RPGR: variants seen among roughly 807,000 people sequenced by gnomAD.
RPGR encodes the protein retinitis pigmentosa GTPase regulator.
RPGR carries 10 observed loss-of-function variants against 56.3 expected under a neutral mutation model. The observed-to-expected ratio is 0.18, with a 90% CI of 0.11 to 0.30. The LOEUF (loss-of-function observed/expected upper bound fraction) is 0.30, where lower values mean the gene tolerates loss of function less well. Ranked by LOEUF, RPGR falls within the 10% of genes least tolerant of loss-of-function variation. The pLI is 1.00. For missense variants in RPGR, 538 were observed against 590.9 expected, an observed-to-expected ratio of 0.91 and a Z score of 0.93; for synonymous variants, 197 against 212.9, an observed-to-expected ratio of 0.93 and a Z score of 0.65.
At chrX:38,303,041 A>G (rs2067532934) in intron 8 of RPGR, among the ~76,000 whole-genome samples, 1 of 111,097 alleles carries the variant, frequency 9.0e-6, no homozygotes, top group Non-Finnish European at 1.9e-5. Flanking sequence ...TACAATTCTT[A>G]CTATTAAGTA....
chrX:38,294,133 A>T (rs1328940376), intron 11 of RPGR, among the ~76,000 whole-genome samples: 1 of 111,527 alleles, frequency 9.0e-6, no homozygotes, highest in East Asian at 2.8e-4. Flanking sequence ...ACTCCATTAT[A>T]CCAAATCCAT....
At chrX:38,297,862 T>C (rs1023279107) in intron 10 of RPGR, among the ~76,000 whole-genome samples, 17 of 112,392 alleles carry the variant, frequency 1.5e-4, no homozygotes, top group African/African-American at 5.5e-4. Context: ...TGCTGGCTAT[T>C]ACAAATAAAA....
Position 38,273,434 on chromosome X carries a change from T to A in RPGR, c.2193A>T (p.Leu731=). The A allele has an allele frequency of 8.3e-7, 1 of 1,207,404 alleles. No individual in the cohort carries two copies. The highest frequency in any genetic ancestry group is 1.1e-6 in the Non-Finnish European group (1 of 892,521). Residue 731 remains leucine, a synonymous_variant, in exon 18 of 19, where the codon CTA becomes CTT. Transcript: ENST00000642395. ...TGCTTGGTGTTGTTTCACTGTTTTC[T>A]AGGATTTCTAATGAACTGCTATCTG...
chrX:38,273,430 TTTC>T lies in RPGR; in HGVS notation c.2194_2196del (p.Glu732del). The stretch of plus-strand genomic sequence containing the variant: ...TCTTTGCTTGGTGTTGTTTCACTGT[TTTC>T]TAGGATTTCTAATGAACTGCTATCT... On this transcript the variant is annotated inframe_deletion, in exon 18 of 19. Coordinates refer to ENST00000642395, the MANE Select transcript of RPGR (RefSeq NM_000328.3). 1 of 1,206,467 alleles carries T rather than the reference TTTC, an allele frequency of 8.3e-7. No individual in the cohort carries two copies. The highest frequency in any genetic ancestry group is 1.1e-6 in the Non-Finnish European group (1 of 892,051).
intron 9 of RPGR, among the ~76,000 whole-genome samples, chrX:38,299,944 ATTTCTTTTT>A (rs2067471943): frequency 1.8e-5 from 2 of 110,896 alleles, no homozygotes; most frequent in Non-Finnish European, 3.8e-5. Flanking sequence ...AATACTTTGT[ATTTCTTTTT>A]TTTCTTTTTT....
At position 38,304,819 on chromosome X, in the gene RPGR, A is replaced by C. The variant is rs377308078; in HGVS notation, c.779-29T>G. 29 of 1,182,541 alleles carry C rather than the reference A, an allele frequency of 2.5e-5. No individual in the cohort carries two copies. In the African/African-American group the frequency reaches 4.8e-4, roughly 20 times the overall value. On this transcript the variant is annotated intron_variant, in intron 7 of 18. Coordinates refer to ENST00000642395, the MANE Select transcript of RPGR (RefSeq NM_000328.3). Reference sequence around the variant, plus strand: ...AAAGGAAAGGGGCAAATACAAGACAAGGATTATGGAAGCAGACACTGTTAC... The same window carrying C: ...AAAGGAAAGGGGCAAATACAAGACACGGATTATGGAAGCAGACACTGTTAC...
chrX:38,327,498 G>C lies in RPGR; in HGVS notation c.-131C>G, dbSNP rs918012075. The C allele has an allele frequency of 4.9e-6, 3 of 616,824 alleles. No individual in the cohort carries two copies. The highest frequency in any genetic ancestry group is 4.7e-5 in the African/African-American group (2 of 42,829). 50.8% of individuals were successfully genotyped at this position (616,824 alleles called of 1,213,427 possible). On this transcript the variant is annotated 5_prime_UTR_variant, in exon 1 of 19. Coordinates refer to ENST00000642395, the MANE Select transcript of RPGR (RefSeq NM_000328.3). Reference sequence around the variant, plus strand: ...CCAAGTTCCGCATGGCGAAACTCCGGAGATCAACTACAACCGCGCTCCCGG... The same window carrying C: ...CCAAGTTCCGCATGGCGAAACTCCGCAGATCAACTACAACCGCGCTCCCGG...
intron 11 of RPGR, among the ~76,000 whole-genome samples, chrX:38,295,547 C>A (rs1253620074): frequency 4.5e-5 from 5 of 112,266 alleles, no homozygotes; most frequent in Non-Finnish European, 9.4e-5. Flanking sequence ...CTTGTACACA[C>A]TACATACTGC....
chrX:38,297,480 A>G, intron 10 of RPGR, 28 bp from the exon 11 acceptor site: 1 of 1,141,109 alleles, frequency 8.8e-7, no homozygotes, highest in South Asian at 1.8e-5. Context: ...TAAACAAACT[A>G]TTTCATGATG....
chrX:38,271,800 A>T (rs1424918057), intron 18 of RPGR, among the ~76,000 whole-genome samples: 1 of 112,434 alleles, frequency 8.9e-6, no homozygotes, highest in Non-Finnish European at 1.9e-5. Flanking sequence ...ACTAATCACC[A>T]TTAGCAAGTC....
In RPGR at chrX:38,273,516, T is replaced by C. The variant is rs980960093; in HGVS notation, c.2150-39A>G. ...ATTCAGAAATACTAGTTTTAACTAA[T>C]AGGAAAAAGACAAGACCTGATGCTC... On this transcript the variant is annotated intron_variant, in intron 17 of 18. Transcript: ENST00000642395. 1.3e-5 allele frequency: 14 copies of C among 1,050,429 alleles called. No homozygotes were observed. In the East Asian group the frequency reaches 2.7e-4, roughly 21 times the overall value. 86.6% of individuals were successfully genotyped at this position (1,050,429 alleles called of 1,213,427 possible).
In RPGR at chrX:38,269,580, T is replaced by C. The variant is rs752453443; in HGVS notation, c.*46A>G. 3.2e-6 allele frequency: 3 copies of C among 947,704 alleles called. No individual in the cohort carries two copies. Among genetic ancestry groups the C allele is most frequent in the Non-Finnish European group, 4.5e-6 (3 of 662,410 alleles). 78.1% of individuals were successfully genotyped at this position (947,704 alleles called of 1,213,427 possible). Reference sequence around the variant, plus strand: ...TTCATAAGTTATAACATTTTTCAAGTATACATTACAATACACTTGGTGACT... The same window carrying C: ...TTCATAAGTTATAACATTTTTCAAGCATACATTACAATACACTTGGTGACT... On this transcript the variant is annotated 3_prime_UTR_variant, in exon 19 of 19. Coordinates refer to ENST00000642395, the MANE Select transcript of RPGR (RefSeq NM_000328.3).
chrX:38,326,210 T>A (rs2068043987), intron 1 of RPGR, among the ~76,000 whole-genome samples: 1 of 112,088 alleles, frequency 8.9e-6, no homozygotes, highest in South Asian at 3.7e-4. Context: ...TCTGGCCCTG[T>A]AATATCTACT....
At chrX:38,310,102 C>T in intron 7 of RPGR, among the ~76,000 whole-genome samples, 1 of 110,637 alleles carries the variant, frequency 9.0e-6, no homozygotes, top group Middle Eastern at 4.6e-3. Flanking sequence ...ACCTCAGCCT[C>T]CTGAATACCT....
intron 3 of RPGR, 91 bp from the exon 4 acceptor site, chrX:38,321,180 T>A: frequency 1.5e-6 from 1 of 670,414 alleles, no homozygotes; most frequent in South Asian, 2.3e-5. Flanking sequence ...AGAACCGAGA[T>A]TTAATAGCGG....
At position 38,287,126 on chromosome X, in the gene RPGR, T is replaced by C; in HGVS notation, c.1873A>G (p.Ile625Val). 1.7e-6 allele frequency: 2 copies of C among 1,210,611 alleles called. No individual in the cohort carries two copies. Among genetic ancestry groups the C allele is most frequent in the Admixed American group, 2.2e-5 (1 of 45,864 alleles). The change falls in exon 15 of 19, where the codon ATC becomes GTC. Residue 625 changes from isoleucine (I) to valine (V), a missense_variant. By Grantham distance (29) the Ile-to-Val change is conservative (BLOSUM62 3). Transcript: ENST00000642395. The stretch of plus-strand genomic sequence containing the variant: ...TTGTCTGTAAGGTCATCTGATAGGA[T>C]CTCTGTTTTCTCCTTTCTTCCTCCA...
At chrX:38,301,431 A>T in intron 8 of RPGR, 60 bp from the exon 9 acceptor site, 1 of 1,006,321 alleles carries the variant, frequency 9.9e-7, no homozygotes, top group Non-Finnish European at 1.4e-6. Flanking sequence ...ATCTATTTGT[A>T]AACAGATAAA....
At chrX:38,291,157 G>A (rs2067273515) in intron 12 of RPGR, 133 bp from the exon 13 acceptor site, 1 of 206,016 alleles carries the variant, frequency 4.9e-6, no homozygotes, top group Non-Finnish European at 8.6e-6. Flanking sequence ...AAAATGAAGG[G>A]AAAACAGTTC....
Position 38,314,057 on chromosome X carries a change from T to TA in RPGR, c.619+3258dup, listed in dbSNP as rs1285004268. 2.0e-4 allele frequency among the ~76,000 whole-genome samples: 22 copies of TA among 111,255 alleles called. No individual in the cohort carries two copies. In the East Asian group the frequency reaches 4.8e-3, roughly 24 times the overall value. On this transcript the variant is annotated intron_variant, in intron 6 of 18. Coordinates refer to ENST00000642395, the MANE Select transcript of RPGR (RefSeq NM_000328.3). The stretch of plus-strand genomic sequence containing the variant: ...CTAATACTAACGATAGCTGATGAGC[T>TA]AAAAAAAGAAAAGGTCTGTGCATAA...
Sources: allele counts gnomAD v4.1 joint callset (sites outside exome capture counted in the v4.1 genomes callset), GRCh38; gene constraint gnomAD v4.1.1; transcripts MANE v1.5; gene names NCBI Gene and HGNC (gene_info 2026-07-23, HGNC 2026-07-21).